NTRK3: variants seen among roughly 807,000 people sequenced by gnomAD.
NTRK3 encodes NT-3 growth factor receptor.
In NTRK3, 24 loss-of-function variants were observed where a neutral mutation model predicts 91.7. The observed-to-expected ratio is 0.26, with a 90% confidence interval of 0.19 to 0.37. The LOEUF (loss-of-function observed/expected upper bound fraction) is 0.37. NTRK3 is among the 10% of genes least tolerant of loss of function. NTRK3 has a pLI of 1.00. For synonymous variants in NTRK3, 483 were observed against 404.0 expected, an observed-to-expected ratio of 1.20 and a Z score of -2.34; for missense variants, 880 against 1,068.9, an observed-to-expected ratio of 0.82 and a Z score of 2.46.
At chr15:87,863,647 A>G (rs1187930339) in exon 19 of NTRK3, 2 of 223,872 alleles carry the variant, frequency 8.9e-6, no homozygotes, top group Non-Finnish European at 1.8e-5. Context: ...AAATTCCCTC[A>G]TGTTATTCAT....
chr15:87,906,778 C>A (rs534705686), intron 17 of NTRK3, among the ~76,000 whole-genome samples: 3 of 152,266 alleles, frequency 2.0e-5, no homozygotes, highest in African/African-American at 7.2e-5. Flanking sequence ...CCACCAACAC[C>A]ACCACTATTA....
At chr15:88,064,942 G>C (rs2046519745) in intron 13 of NTRK3, among the ~76,000 whole-genome samples, 1 of 152,212 alleles carries the variant, frequency 6.6e-6, no homozygotes, top group Non-Finnish European at 1.5e-5. Flanking sequence ...TCTAAGCACA[G>C]AGATCTCATC....
intron 13 of NTRK3, among the ~76,000 whole-genome samples, chr15:88,107,232 C>T (rs1053830040): frequency 1.3e-5 from 2 of 152,038 alleles, no homozygotes; most frequent in Non-Finnish European, 2.9e-5. Context: ...CGTTTGAGCT[C>T]AGGAGTTCAG....
intron 15 of NTRK3, among the ~76,000 whole-genome samples, chr15:87,934,928 G>T (rs984020545): frequency 6.6e-6 from 1 of 152,062 alleles, no homozygotes; most frequent in Non-Finnish European, 1.5e-5. Flanking sequence ...TTTAAAATTT[G>T]GAGGCTTCAT....
chr15:87,890,958 A>AG (rs1567075478), intron 17 of NTRK3, among the ~76,000 whole-genome samples: 2 of 152,192 alleles, frequency 1.3e-5, no homozygotes. Context: ...AAGAGAAAAA[A>AG]TATCATGACT....
At chr15:87,973,754 C>T (rs1470797426) in intron 14 of NTRK3, among the ~76,000 whole-genome samples, 3 of 152,150 alleles carry the variant, frequency 2.0e-5, no homozygotes, top group African/African-American at 7.2e-5. Flanking sequence ...TTCCTCCCGT[C>T]TCTGCTGTCA....
At chr15:88,170,887 A>G (rs2045447849) in intron 5 of NTRK3, among the ~76,000 whole-genome samples, 1 of 152,200 alleles carries the variant, frequency 6.6e-6, no homozygotes, top group Non-Finnish European at 1.5e-5. Context: ...CCATCTAGCC[A>G]GGTCACCCTA....
At chr15:87,945,311 C>G (rs1736715346) in intron 14 of NTRK3, among the ~76,000 whole-genome samples, 1 of 152,210 alleles carries the variant, frequency 6.6e-6, no homozygotes, top group South Asian at 2.1e-4. Flanking sequence ...TTCTTGTTCC[C>G]ACAGGACAAC....
chr15:88,041,671 G>C (rs971126343), intron 13 of NTRK3, among the ~76,000 whole-genome samples: 2 of 152,174 alleles, frequency 1.3e-5, no homozygotes, highest in Non-Finnish European at 2.9e-5. Flanking sequence ...CCATGGTGAC[G>C]TGCAAAATGC....
chr15:87,920,606 C>T (rs936649206), intron 17 of NTRK3, among the ~76,000 whole-genome samples: 2 of 152,208 alleles, frequency 1.3e-5, no homozygotes, highest in African/African-American at 4.8e-5. Context: ...AAGATGGCTG[C>T]CCCAGACTGC....
intron 13 of NTRK3, among the ~76,000 whole-genome samples, chr15:88,081,657 C>A (rs2048053547): frequency 6.6e-6 from 1 of 152,146 alleles, no homozygotes; most frequent in Admixed American, 6.5e-5. Flanking sequence ...TCCTTCTGAG[C>A]CCCCAGAATC....
At chr15:88,126,240 G>A (rs532100821) in intron 13 of NTRK3, 31 bp downstream of exon 13, 1 of 1,447,686 alleles carries the variant, frequency 6.9e-7, no homozygotes, top group South Asian at 1.1e-5. Flanking sequence ...TTCCCCCCAT[G>A]ACGCCCTTGA....
chr15:87,942,142 C>T (rs940046402), intron 14 of NTRK3, among the ~76,000 whole-genome samples: 1 of 152,162 alleles, frequency 6.6e-6, no homozygotes, highest in Non-Finnish European at 1.5e-5. Context: ...CTTCAGAGTC[C>T]TTGGTATCCC....
At chr15:87,987,316 T>C (rs994021181) in intron 14 of NTRK3, among the ~76,000 whole-genome samples, 3 of 152,202 alleles carry the variant, frequency 2.0e-5, no homozygotes, top group Admixed American at 2.0e-4. Context: ...CAGATATTTT[T>C]TCTAACAAAC....
intron 13 of NTRK3, among the ~76,000 whole-genome samples, chr15:88,084,891 G>T (rs1445032224): frequency 6.6e-6 from 1 of 152,110 alleles, no homozygotes; most frequent in African/African-American, 2.4e-5. Flanking sequence ...TTTGACAAGG[G>T]GCATGTAGAA....
intron 14 of NTRK3, among the ~76,000 whole-genome samples, chr15:87,985,367 G>C (rs1392733732): frequency 1.3e-5 from 2 of 152,196 alleles, no homozygotes; most frequent in African/African-American, 4.8e-5. Flanking sequence ...TTTTAATATA[G>C]CTGTACATTT....
At chr15:88,092,533 G>A (rs1419865541) in intron 13 of NTRK3, among the ~76,000 whole-genome samples, 1 of 152,164 alleles carries the variant, frequency 6.6e-6, no homozygotes, top group Non-Finnish European at 1.5e-5. Flanking sequence ...AAGCCAGACT[G>A]GCCAGAGGTT....
chr15:87,939,361 G>T (rs1047379655), intron 15 of NTRK3, among the ~76,000 whole-genome samples: 7 of 152,186 alleles, frequency 4.6e-5, no homozygotes, highest in Non-Finnish European at 1.0e-4. Flanking sequence ...TATTATTATT[G>T]CTATTATACA....
intron 14 of NTRK3, among the ~76,000 whole-genome samples, chr15:88,026,066 T>C (rs149869648): frequency 6.6e-6 from 1 of 152,270 alleles, no homozygotes; most frequent in East Asian, 1.9e-4. Flanking sequence ...GGTCCAGAGA[T>C]TGAGACCATC....
Sources: gnomAD v4.1 joint callset for allele counts (sites outside exome capture counted in the v4.1 genomes callset) on GRCh38, gnomAD v4.1.1 for gene constraint, MANE v1.5 for transcripts, NCBI Gene and HGNC (gene_info 2026-07-23, HGNC 2026-07-21) for gene names.